Variants in CENPI observed in about 807,000 individuals in gnomAD.
CENPI encodes centromere protein I.
Under a neutral mutation model 60.4 loss-of-function variants are expected in CENPI, and 4 were observed. That is an observed-to-expected ratio of 0.07 (90% confidence interval 0.03 to 0.15). The LOEUF (loss-of-function observed/expected upper bound fraction) is 0.15. CENPI is among the 10% of genes least tolerant of loss of function. The probability of loss-of-function intolerance (pLI) is 1.00; values close to 1 mark genes in which losing one functional copy is unlikely to be tolerated. For synonymous variants in CENPI, 157 were observed against 189.4 expected, an observed-to-expected ratio of 0.83 and a Z score of 1.40; for missense variants, 444 against 534.5, an observed-to-expected ratio of 0.83 and a Z score of 1.67.
At chrX:101,129,387 G>A (rs1431484227) in intron 12 of CENPI, among the ~76,000 whole-genome samples, 7 of 110,267 alleles carry the variant, frequency 6.3e-5, no homozygotes, top group Non-Finnish European at 1.3e-4. Context: ...TCCTCCAATG[G>A]TGGGGGTCGG....
the CENPI span, among the ~76,000 whole-genome samples, chrX:101,174,113 C>T: frequency 2.7e-5 from 3 of 112,006 alleles, no homozygotes; most frequent in African/African-American, 3.2e-5. Flanking sequence ...AGTGAGACTG[C>T]GGAGAAAAGG....
rs2090139972 is a variant in CENPI at position 101,165,355 on chromosome X, G to A, written c.*2388G>A. The stretch of plus-strand genomic sequence containing the variant: ...AGTGTGATAAATGTTGAGGTGGGAG[G>A]GGTTAGAGGTTGGATTCAGACTCTG... On this transcript the variant is annotated 3_prime_UTR_variant, in exon 22 of 22. Coordinates refer to ENST00000682095, the MANE Select transcript of CENPI (RefSeq NM_001386188.2). Among the ~76,000 whole-genome samples, 1 of 111,595 alleles carries A rather than the reference G, an allele frequency of 9.0e-6. No homozygotes were observed. The highest frequency in any genetic ancestry group is 9.6e-5 in the Admixed American group (1 of 10,459).
intron 3 of CENPI, 56 bp downstream of exon 3, chrX:101,101,352 C>CT: frequency 2.3e-6 from 2 of 875,197 alleles, no homozygotes; most frequent in South Asian, 2.4e-5. Flanking sequence ...ATATTCTAGT[C>CT]TTTTTTTCTT....
At chrX:101,116,802 A>G (rs2089628022) in intron 6 of CENPI, among the ~76,000 whole-genome samples, 1 of 111,910 alleles carries the variant, frequency 8.9e-6, no homozygotes, top group African/African-American at 3.2e-5. Context: ...TCCTGCCAGC[A>G]GTCTATAACA....
intron 6 of CENPI, among the ~76,000 whole-genome samples, chrX:101,118,488 G>A (rs1043781943): frequency 3.6e-5 from 4 of 112,174 alleles, no homozygotes; most frequent in African/African-American, 6.5e-5. Flanking sequence ...AAGAAGAGAC[G>A]CTTTCTGCTT....
Position 101,140,723 on chromosome X carries a change from A to G in CENPI, c.1528A>G (p.Met510Val). Residue 510 changes from methionine (M) to valine (V), a missense_variant, in exon 16 of 22, where the codon ATG becomes GTG. By Grantham distance (21) the Met-to-Val change is conservative. Coordinates refer to ENST00000682095, the MANE Select transcript of CENPI (RefSeq NM_001386188.2). ...GCAGAATTGGCTGTTGTGGCTTTCTATGGACATTCACATGAAACCTGTTAC... is the reference window on the plus strand; with the variant it reads ...GCAGAATTGGCTGTTGTGGCTTTCTGTGGACATTCACATGAAACCTGTTAC... Reference protein sequence around the residue: ...LLQNWLLWLSMDIHMKPVTNS... With the variant: ...LLQNWLLWLSVDIHMKPVTNS... The G allele has an allele frequency of 1.7e-6, 2 of 1,204,534 alleles. No individual in the cohort carries two copies. Among genetic ancestry groups the G allele is most frequent in the Non-Finnish European group, 2.3e-6 (2 of 888,778 alleles).
chrX:101,122,059 C>T (rs940476331), intron 8 of CENPI, among the ~76,000 whole-genome samples: 2 of 111,256 alleles, frequency 1.8e-5, no homozygotes, highest in African/African-American at 6.5e-5. Flanking sequence ...TCTGCCTTGG[C>T]CTCCCAAAGT....
intron 21 of CENPI, among the ~76,000 whole-genome samples, chrX:101,162,491 T>TATATAA (rs1159595271): frequency 1.0e-5 from 1 of 99,250 alleles, no homozygotes; most frequent in African/African-American, 3.8e-5. Context: ...TATATATATA[T>TATATAA]AATTATCTCA....
the CENPI span, among the ~76,000 whole-genome samples, chrX:101,173,150 A>G: frequency 3.0e-5 from 3 of 100,455 alleles, no homozygotes; most frequent in Admixed American, 1.1e-4. Context: ...CGAGTAGCTG[A>G]GACTACAGGC....
intron 16 of CENPI, among the ~76,000 whole-genome samples, chrX:101,143,561 T>C (rs1472764018): frequency 8.9e-6 from 1 of 112,932 alleles, no homozygotes; most frequent in Non-Finnish European, 1.9e-5. Context: ...AGTCTCACTC[T>C]GTCGCCCAGG....
chrX:101,101,205 T>G lies in CENPI; in HGVS notation c.135T>G (p.His45Gln). 1.7e-6 allele frequency: 2 copies of G among 1,210,311 alleles called. No homozygotes were observed. The highest frequency in any genetic ancestry group is 2.2e-5 in the Admixed American group (1 of 45,952). Residue 45 changes from histidine (H) to glutamine (Q), a missense_variant, in exon 3 of 22, where the codon CAT (histidine) becomes CAG (glutamine). Coordinates refer to ENST00000682095, the MANE Select transcript of CENPI (RefSeq NM_001386188.2). The stretch of plus-strand genomic sequence containing the variant: ...GCAACTCGAAGAACATCTCAAAACA[T>G]GGACAAAACAATCCAGTGGGAGATT... ...DPSNSKNISKHGQNNPVGDYE... is the reference protein window; with the variant it reads ...DPSNSKNISKQGQNNPVGDYE...
chrX:101,162,148 C>T (rs1340657245), intron 21 of CENPI, among the ~76,000 whole-genome samples: 4 of 109,276 alleles, frequency 3.7e-5, no homozygotes, highest in Non-Finnish European at 7.6e-5. Context: ...TCCCTGTTGG[C>T]CAGCTGGTCT....
the CENPI span, among the ~76,000 whole-genome samples, chrX:101,177,998 C>T: frequency 8.9e-6 from 1 of 111,765 alleles, no homozygotes. Context: ...TGTGAGCCCC[C>T]TCTCTGGAGC....
rs199901175 is a variant in CENPI, at chrX:101,163,155, A to AT, written c.*195dup. 5.7e-3 allele frequency: 2,242 copies of AT among 395,657 alleles called. 56 individuals carry two copies. Among genetic ancestry groups the AT allele is most frequent in the African/African-American group, 0.053 (2,003 of 37,462 alleles). 32.6% of individuals were successfully genotyped at this position (395,657 alleles called of 1,213,427 possible). A position where few individuals can be genotyped will look rare whatever the true frequency, so the allele number is the denominator to read the frequency against. ...GCCTAACTGATTTTTCAAAATTTAG[A>AT]TTTTTTTAGCCTACCAGTGAAAAAT... On this transcript the variant is annotated 3_prime_UTR_variant, in exon 22 of 22. Coordinates refer to ENST00000682095, the MANE Select transcript of CENPI (RefSeq NM_001386188.2).
intron 15 of CENPI, among the ~76,000 whole-genome samples, chrX:101,140,049 G>T (rs1055136693): frequency 3.6e-5 from 4 of 110,816 alleles, no homozygotes; most frequent in African/African-American, 1.3e-4. Flanking sequence ...CGTTAGCCAG[G>T]ATGGTCTCGA....
intron 11 of CENPI, among the ~76,000 whole-genome samples, chrX:101,127,893 A>G (rs1248143470): frequency 3.6e-5 from 4 of 111,331 alleles, no homozygotes; most frequent in African/African-American, 1.3e-4. Flanking sequence ...ACGCCTGGCT[A>G]ATTTTTAAAA....
intron 20 of CENPI, among the ~76,000 whole-genome samples, chrX:101,153,462 C>T (rs1307235327): frequency 9.1e-6 from 1 of 109,580 alleles, no homozygotes; most frequent in East Asian, 2.9e-4. Flanking sequence ...CACTCCTGAC[C>T]GTTTTTTGTA....
chrX:101,101,755 TTTTAG>T (rs2089419761), intron 3 of CENPI, among the ~76,000 whole-genome samples: 1 of 112,380 alleles, frequency 8.9e-6, no homozygotes, highest in Non-Finnish European at 1.9e-5. Context: ...AGTTCAGTGC[TTTTAG>T]TTTAGAATAG....
chrX:101,124,377 A>G (rs753386950), intron 8 of CENPI, among the ~76,000 whole-genome samples: 2 of 111,086 alleles, frequency 1.8e-5, no homozygotes, highest in South Asian at 7.7e-4. Flanking sequence ...AACTGATTGG[A>G]TGAGACCTAT....
Sources: gnomAD v4.1 joint callset for allele counts (sites outside exome capture counted in the v4.1 genomes callset) on GRCh38, gnomAD v4.1.1 for gene constraint, MANE v1.5 for transcripts, NCBI Gene and HGNC (gene_info 2026-07-23, HGNC 2026-07-21) for gene names.